PRICKLE2: variants seen among roughly 807,000 people sequenced by gnomAD.
The protein encoded by PRICKLE2 is prickle-like protein 2.
PRICKLE2 carries 21 observed loss-of-function variants against 81.4 expected under a neutral mutation model. That is an observed-to-expected ratio of 0.26 (90% CI 0.18 to 0.37). The LOEUF is 0.37. Ranked by LOEUF, PRICKLE2 falls within the 10% of genes least tolerant of loss-of-function variation. PRICKLE2 has a pLI of 1.00. For missense variants in PRICKLE2, 940 were observed against 1,109.0 expected (o/e 0.85, Z 2.16); for synonymous variants, 456 against 421.5 (o/e 1.08, Z -1.00).
chr3:64,194,997 G>A (rs367845297), intron 2 of PRICKLE2, among the ~76,000 whole-genome samples: 8 of 152,120 alleles, frequency 5.3e-5, no homozygotes, highest in African/African-American at 7.2e-5. Flanking sequence ...AGCTATGATC[G>A]TACCACTGCC....
Position 64,243,378 on chromosome 3 carries a change from C to A in PRICKLE2, c.129-44411G>T, listed in dbSNP as rs115133780. Among the ~76,000 whole-genome samples the A allele has an allele frequency of 9.5e-3, 1,442 of 152,314 alleles. 27 individuals carry two copies. The highest frequency in any genetic ancestry group is 0.033 in the African/African-American group (1,366 of 41,552). ...TGCCACTGGTCACCCTTTCCCCAGT[C>A]GTGAAAACCAAATATATCTCCAGAA... On this transcript the variant is annotated intron_variant, in intron 2 of 8. Coordinates refer to the PRICKLE2 transcript ENST00000295902.
chr3:64,193,778 AAGG>A (rs890796643), intron 2 of PRICKLE2, among the ~76,000 whole-genome samples: 3 of 152,166 alleles, frequency 2.0e-5, no homozygotes, highest in African/African-American at 7.2e-5. Flanking sequence ...TGGTTACTAT[AAGG>A]AGGAGTTTTC....
chr3:64,232,262 T>C (rs557727592), intron 2 of PRICKLE2, among the ~76,000 whole-genome samples: 32 of 152,344 alleles, frequency 2.1e-4, no homozygotes, highest in East Asian at 3.9e-4. Context: ...GCAGAGACCA[T>C]GCCTTTTGTG....
chr3:64,153,670 C>T, intron 5 of PRICKLE2: 1 of 378,060 alleles, frequency 2.6e-6, no homozygotes, highest in South Asian at 2.7e-5. Flanking sequence ...ACTGACAGCT[C>T]ACAGGCACAT....
chr3:64,117,075 C>T (rs1239049464), intron 7 of PRICKLE2, among the ~76,000 whole-genome samples: 1 of 152,152 alleles, frequency 6.6e-6, no homozygotes, highest in Non-Finnish European at 1.5e-5. Flanking sequence ...TGATGCCTCA[C>T]ATAAACAGAA....
intron 7 of PRICKLE2, among the ~76,000 whole-genome samples, chr3:64,145,251 C>G (rs940073697): frequency 6.8e-6 from 1 of 146,364 alleles, no homozygotes; most frequent in Non-Finnish European, 1.5e-5. Context: ...GAGCATGTGC[C>G]ACCAAGTCCA....
intron 5 of PRICKLE2, chr3:64,153,604 C>T: frequency 1.9e-6 from 1 of 522,430 alleles, no homozygotes; most frequent in South Asian, 2.1e-5. Context: ...TTAACTTAAC[C>T]ACATTTAATA....
chr3:64,168,568 C>T (rs1358043626), intron 2 of PRICKLE2, among the ~76,000 whole-genome samples: 1 of 152,140 alleles, frequency 6.6e-6, no homozygotes, highest in Non-Finnish European at 1.5e-5. Flanking sequence ...TTTTTATACA[C>T]AGTATTTCAT....
intron 2 of PRICKLE2, among the ~76,000 whole-genome samples, chr3:64,235,596 G>T (rs557511516): frequency 1.3e-5 from 2 of 152,288 alleles, no homozygotes; most frequent in Admixed American, 1.3e-4. Flanking sequence ...CAAGTTGAGC[G>T]AAGTCTGTTT....
chr3:64,179,665 T>C (rs1196254002), intron 2 of PRICKLE2, among the ~76,000 whole-genome samples: 6 of 152,200 alleles, frequency 3.9e-5, no homozygotes, highest in Admixed American at 1.3e-4. Flanking sequence ...GCTGCAAATA[T>C]TGATTTTCAG....
chr3:64,185,981 A>G (rs1675390352), intron 2 of PRICKLE2, among the ~76,000 whole-genome samples: 1 of 152,136 alleles, frequency 6.6e-6, no homozygotes, highest in African/African-American at 2.4e-5. Context: ...TTCTGTCACT[A>G]CAGATTAGTT....
At chr3:64,125,786 G>A (rs1006544322) in intron 7 of PRICKLE2, among the ~76,000 whole-genome samples, 3 of 152,168 alleles carry the variant, frequency 2.0e-5, no homozygotes, top group Non-Finnish European at 4.4e-5. Context: ...CTCTATTGAG[G>A]TGTTTTAGAA....
At chr3:64,170,281 A>T (rs2077906841) in intron 2 of PRICKLE2, among the ~76,000 whole-genome samples, 1 of 152,178 alleles carries the variant, frequency 6.6e-6, no homozygotes, top group Admixed American at 6.5e-5. Context: ...CATTTGCAGT[A>T]TTTTCAAAGA....
intron 2 of PRICKLE2, among the ~76,000 whole-genome samples, chr3:64,164,555 C>T (rs1016932143): frequency 1.3e-5 from 2 of 152,004 alleles, no homozygotes; most frequent in Non-Finnish European, 2.9e-5. Flanking sequence ...AATGACAAGG[C>T]CTTAAAAAAT....
chr3:64,217,685 G>A (rs1186230662), intron 1 of PRICKLE2, among the ~76,000 whole-genome samples: 1 of 152,170 alleles, frequency 6.6e-6, no homozygotes, highest in Admixed American at 6.5e-5. Flanking sequence ...ATGGGTACAG[G>A]CTGCCTCCAG....
chr3:64,229,097 C>A (rs1350336540), upstream of PRICKLE2, among the ~76,000 whole-genome samples: 1 of 152,052 alleles, frequency 6.6e-6, no homozygotes, highest in Non-Finnish European at 1.5e-5. Flanking sequence ...TAGAGGTGTT[C>A]CAGGCAGGAA....
At chr3:64,188,750 CAT>C (rs1272669868) in intron 2 of PRICKLE2, among the ~76,000 whole-genome samples, 2 of 152,208 alleles carry the variant, frequency 1.3e-5, no homozygotes, top group African/African-American at 4.8e-5. Context: ...TTTATTGTCA[CAT>C]GACCATGCCC....
At chr3:64,176,319 CTCTT>C (rs1305471665) in intron 2 of PRICKLE2, among the ~76,000 whole-genome samples, 2 of 152,206 alleles carry the variant, frequency 1.3e-5, no homozygotes, top group Admixed American at 6.5e-5. Context: ...TTTGAGTTAT[CTCTT>C]TCTTATGTGG....
At chr3:64,241,579 A>G (rs1188010569) in intron 2 of PRICKLE2, among the ~76,000 whole-genome samples, 2 of 152,146 alleles carry the variant, frequency 1.3e-5, no homozygotes, top group African/African-American at 2.4e-5. Flanking sequence ...AATTGTCTCT[A>G]AAGTGCTCCA....
Sources: gnomAD v4.1 joint callset for allele counts (sites outside exome capture counted in the v4.1 genomes callset) on GRCh38, gnomAD v4.1.1 for gene constraint, MANE v1.5 for transcripts, NCBI Gene and HGNC (gene_info 2026-07-23, HGNC 2026-07-21) for gene names.